The following COPG2 variants were observed in gnomAD, a reference collection of about 807,000 sequenced individuals.
The protein encoded by COPG2 is coat protein complex I subunit gamma 2.
COPG2 carries 37 observed loss-of-function variants against 46.3 expected under a neutral mutation model. That is an observed-to-expected ratio of 0.80 (90% confidence interval 0.61 to 1.05). The LOEUF (loss-of-function observed/expected upper bound fraction) is 1.05, where lower values mean the gene tolerates loss of function less well. Among genes scored for constraint, COPG2 ranks in the 50% least tolerant of loss-of-function variants. COPG2 has a pLI of 0.00. For missense variants in COPG2, 427 were observed against 387.8 expected (o/e 1.10, Z -0.85); for synonymous variants, 159 against 129.7 (o/e 1.23, Z -1.53).
intron 9 of COPG2, among the ~76,000 whole-genome samples, chr7:130,607,266 T>G (rs921504414): frequency 6.6e-6 from 1 of 151,336 alleles, no homozygotes; most frequent in Non-Finnish European, 1.5e-5. Flanking sequence ...AATAAATAAA[T>G]AAATAAATAA....
At position 130,614,070 on chromosome 7, in the gene COPG2, C is replaced by T. The variant is rs139300874; in HGVS notation, c.400-434G>A. The stretch of plus-strand genomic sequence containing the variant: ...GAGAGTCCTAGAAATCAAACGTAAT[C>T]CCTGATTATCTGAGATACATAAAGA... On this transcript the variant is annotated intron_variant, in intron 6 of 23. Transcript: ENST00000425248. Among the ~76,000 whole-genome samples the T allele has an allele frequency of 2.0e-5, 3 of 152,206 alleles. No homozygotes were observed. The East Asian group carries it at 5.8e-4, about 29-fold the overall frequency.
chr7:130,645,340 T>C (rs1304018597), intron 5 of COPG2: 1 of 569,704 alleles, frequency 1.8e-6, no homozygotes, highest in Non-Finnish European at 3.5e-6. Context: ...ACAGTTGCCT[T>C]CTACTACATT....
chr7:130,637,577 G>T (rs11760491), intron 5 of COPG2, among the ~76,000 whole-genome samples: 29,420 of 151,942 alleles, frequency 0.19, 3,022 homozygotes, highest in Middle Eastern at 0.25. Flanking sequence ...GCTACATCAG[G>T]TTATTTATTT....
At chr7:130,630,945 G>A (rs908770489) in intron 5 of COPG2, among the ~76,000 whole-genome samples, 6 of 152,064 alleles carry the variant, frequency 3.9e-5, no homozygotes, top group East Asian at 3.9e-4. Context: ...TGGGAGGACC[G>A]CTTGAGCCCA....
intron 5 of COPG2, chr7:130,645,487 C>A (rs1795578351): frequency 9.4e-6 from 3 of 320,434 alleles, no homozygotes; most frequent in Non-Finnish European, 1.8e-5. Flanking sequence ...CTGCCAAAAT[C>A]CACAGGCACT....
intron 9 of COPG2, among the ~76,000 whole-genome samples, chr7:130,588,963 G>T (rs1053007622): frequency 1.3e-5 from 2 of 151,920 alleles, no homozygotes; most frequent in African/African-American, 4.8e-5. Context: ...ATACACACAA[G>T]GAGAAACTAT....
intron 20 of COPG2, among the ~76,000 whole-genome samples, chr7:130,524,451 G>A (rs1240219502): frequency 2.6e-5 from 4 of 152,158 alleles, no homozygotes; most frequent in Non-Finnish European, 5.9e-5. Flanking sequence ...GACATCAGGG[G>A]ATGAGTTTGC....
At chr7:130,664,311 C>T (rs1441946945) in intron 3 of COPG2, among the ~76,000 whole-genome samples, 2 of 152,164 alleles carry the variant, frequency 1.3e-5, no homozygotes, top group Non-Finnish European at 2.9e-5. Context: ...GTGAAAAATA[C>T]TGACAGTTTA....
At chr7:130,534,823 T>C (rs1799862936) in intron 20 of COPG2, among the ~76,000 whole-genome samples, 2 of 151,908 alleles carry the variant, frequency 1.3e-5, no homozygotes, top group Non-Finnish European at 2.9e-5. Flanking sequence ...GTGCATGGGC[T>C]CACTGGGGCC....
chr7:130,591,902 C>T (rs534928338), intron 9 of COPG2, among the ~76,000 whole-genome samples: 151 of 152,214 alleles, frequency 9.9e-4, no homozygotes, highest in African/African-American at 3.2e-3. Context: ...GGGAGGTGTA[C>T]TCAACAGCTC....
chr7:130,525,664 A>C (rs1466049568), intron 20 of COPG2, among the ~76,000 whole-genome samples: 1 of 152,348 alleles, frequency 6.6e-6, no homozygotes, highest in Admixed American at 6.5e-5. Context: ...AAGTATGTAC[A>C]TAGAGATGAA....
chr7:130,660,899 C>G (rs1466323101), intron 4 of COPG2, among the ~76,000 whole-genome samples: 1 of 152,186 alleles, frequency 6.6e-6, no homozygotes, highest in African/African-American at 2.4e-5. Context: ...GTTCTTGCTT[C>G]CCTCCTAACC....
At chr7:130,600,294 G>A (rs1308852171) in intron 9 of COPG2, among the ~76,000 whole-genome samples, 1 of 151,812 alleles carries the variant, frequency 6.6e-6, no homozygotes, top group East Asian at 1.9e-4. Context: ...AGACAGAGAC[G>A]CTGTCACCCA....
chr7:130,643,062 C>T lies in COPG2; in HGVS notation c.323+9807G>A, dbSNP rs71579299. Among the ~76,000 whole-genome samples the T allele has an allele frequency of 4.8e-3, 719 of 151,220 alleles. 2 individuals carry two copies. Among genetic ancestry groups the T allele is most frequent in the Non-Finnish European group, 7.5e-3 (507 of 67,852 alleles). The stretch of plus-strand genomic sequence containing the variant: ...GGTGGCTCCCAGCACTTTGGGAGGC[C>T]GAGGCGGGCGGATCATGAGGTCAGG... On this transcript the variant is annotated intron_variant, in intron 5 of 23. Coordinates refer to ENST00000425248, the MANE Select transcript of COPG2 (RefSeq NM_012133.6).
At chr7:130,523,537 A>G (rs947700333) in intron 20 of COPG2, among the ~76,000 whole-genome samples, 1 of 152,308 alleles carries the variant, frequency 6.6e-6, no homozygotes, top group Admixed American at 6.5e-5. Flanking sequence ...GGAGGCCATC[A>G]GGGTCAAGAC....
At chr7:130,649,344 G>C (rs555541624) in intron 5 of COPG2, among the ~76,000 whole-genome samples, 1 of 152,104 alleles carries the variant, frequency 6.6e-6, no homozygotes, top group Non-Finnish European at 1.5e-5. Context: ...ATCAAGCCCT[G>C]GTTCCTTTTT....
intron 9 of COPG2, among the ~76,000 whole-genome samples, chr7:130,580,044 T>G (rs1794101778): frequency 6.7e-6 from 1 of 150,286 alleles, no homozygotes; most frequent in Non-Finnish European, 1.5e-5. Flanking sequence ...GAATATACAT[T>G]TTTTTCAGCA....
rs574083418 is a variant in COPG2, at chr7:130,510,140, G to A, written c.2150-1481C>T. The A allele has an allele frequency of 7.7e-6, 4 of 520,152 alleles. No individual in the cohort carries two copies. In the East Asian group the frequency reaches 1.6e-4, roughly 21 times the overall value. 32.2% of individuals were successfully genotyped at this position (520,152 alleles called of 1,614,324 possible). ...AAAGGTTAGAGATAAGCTAGATAAGGTGCCTAATTTAAGCCACTGGTGGGG... is the reference window on the plus strand; with the variant it reads ...AAAGGTTAGAGATAAGCTAGATAAGATGCCTAATTTAAGCCACTGGTGGGG... On this transcript the variant is annotated intron_variant, in intron 20 of 23. Transcript: ENST00000425248.
intron 5 of COPG2, among the ~76,000 whole-genome samples, chr7:130,638,045 C>A (rs1335348881): frequency 6.6e-6 from 1 of 152,174 alleles, no homozygotes; most frequent in Non-Finnish European, 1.5e-5. Context: ...CTGGGTATCA[C>A]CAGCAGAGGC....
Sources: allele counts gnomAD v4.1 joint callset (sites outside exome capture counted in the v4.1 genomes callset), GRCh38; gene constraint gnomAD v4.1.1; transcripts MANE v1.5; gene names NCBI Gene and HGNC (gene_info 2026-07-23, HGNC 2026-07-21).